Variants in PARP4 observed in about 807,000 individuals in gnomAD.
The protein encoded by PARP4 is poly(ADP-ribose) polymerase family member 4.
A neutral mutation model predicts 187.7 loss-of-function variants in PARP4; 120 were observed. The observed-to-expected ratio is 0.64, with a 90% CI of 0.55 to 0.74. The LOEUF is 0.74. PARP4 is among the 30% of genes least tolerant of loss of function. PARP4 has a pLI of 0.00. For synonymous variants in PARP4, 654 were observed against 740.9 expected, an observed-to-expected ratio of 0.88 and a Z score of 1.90; for missense variants, 1,836 against 2,070.5, an observed-to-expected ratio of 0.89 and a Z score of 2.20.
intron 9 of PARP4, among the ~76,000 whole-genome samples, chr13:24,492,213 T>C (rs1018748945): frequency 3.5e-4 from 53 of 152,248 alleles, no homozygotes; most frequent in African/African-American, 1.0e-3. Context: ...TCTGCACTTA[T>C]GTCACTGTGC....
intron 2 of PARP4, among the ~76,000 whole-genome samples, chr13:24,502,060 C>T (rs9578755): frequency 0.11 from 16,759 of 150,194 alleles, 981 homozygotes; most frequent in African/African-American, 0.13. Flanking sequence ...ATTGATTAAC[C>T]CTAGAGGTTA....
chr13:24,456,605 G>A lies in PARP4; in HGVS notation c.2425-127C>T, dbSNP rs1871868763. On this transcript the variant is annotated intron_variant, in intron 20 of 33. Transcript: ENST00000381989. The stretch of plus-strand genomic sequence containing the variant: ...AACTCTATTAAGAATCAACAAAGTA[G>A]TGGTAAATTCCAAAATAATGAAATG... 5 of 810,980 alleles carry A rather than the reference G, an allele frequency of 6.2e-6. No individual in the cohort carries two copies. In the South Asian group the frequency reaches 1.1e-4, roughly 18 times the overall value. The allele number at this position is 810,980 out of a possible 1,614,324, so 50.2% of individuals were successfully genotyped here.
At chr13:24,503,899 G>A in intron 1 of PARP4, 122 bp from the exon 2 acceptor site, 1 of 788,118 alleles carries the variant, frequency 1.3e-6, no homozygotes, top group Middle Eastern at 2.4e-4. Flanking sequence ...TTGCAATCAT[G>A]TTATCAATAG....
At position 24,435,219 on chromosome 13, in the gene PARP4, A is replaced by G. The variant is rs758564454; in HGVS notation, c.3922T>C (p.Trp1308Arg). Residue 1308 changes from tryptophan (W) to arginine (R), a missense_variant, in exon 31 of 34, where the codon TGG (tryptophan) becomes CGG (arginine). Trp to Arg is a moderately radical substitution (Grantham distance 101). Coordinates refer to ENST00000381989, the MANE Select transcript of PARP4 (RefSeq NM_006437.4). ...AAAAAGCTAGAAGTAGATGTTTCCC[A>G]TGGACTGACTTTCTTAAATAGTGGT... The part of the protein sequence containing the change: ...TEPLFKKVSP[W>R]ETSTSSFFPI... The G allele has an allele frequency of 1.2e-6, 2 of 1,614,056 alleles. No homozygotes were observed. The highest frequency in any genetic ancestry group is 1.3e-5 in the African/African-American group (1 of 74,954).
chr13:24,505,215 G>GGCT (rs1869558951), intron 1 of PARP4, among the ~76,000 whole-genome samples: 1 of 152,104 alleles, frequency 6.6e-6, no homozygotes, highest in South Asian at 2.1e-4. Flanking sequence ...CAGCAAATGC[G>GGCT]GCTTTATGTG....
chr13:24,481,719 T>G (rs1379267402), intron 12 of PARP4, among the ~76,000 whole-genome samples: 4 of 151,838 alleles, frequency 2.6e-5, no homozygotes. Context: ...AAGAAAGAAA[T>G]ACATTTTGGC....
chr13:24,457,793 A>G lies in PARP4; in HGVS notation c.2424+1251T>C, dbSNP rs1329749991. 4.9e-3 allele frequency among the ~76,000 whole-genome samples: 723 copies of G among 148,590 alleles called. 9 individuals carry two copies. Among genetic ancestry groups the G allele is most frequent in the African/African-American group, 0.017 (674 of 40,228 alleles). ...CTCAAAAAAAAAAAAAAAAAAAAAAAAAAGAAAAAAGAAAAAAAGAAAGGC... is the reference window on the plus strand; with the variant it reads ...CTCAAAAAAAAAAAAAAAAAAAAAAGAAAGAAAAAAGAAAAAAAGAAAGGC... On this transcript the variant is annotated intron_variant, in intron 20 of 33. Transcript: ENST00000381989.
chr13:24,456,404 G>A lies in PARP4; in HGVS notation c.2499C>T (p.Ile833=), dbSNP rs746813853. The change falls in exon 21 of 34, where the codon ATC becomes ATT. Residue 833 remains isoleucine (I), a synonymous_variant. Coordinates refer to ENST00000381989, the MANE Select transcript of PARP4 (RefSeq NM_006437.4). ...SLDSSGFSLH[I]GLSAAYLPRM... ...TTGGGAGATAGGCAGCAGACAAACCGATGTGGAGAGAAAATCCACTGCTGT... is the reference window on the plus strand; with the variant it reads ...TTGGGAGATAGGCAGCAGACAAACCAATGTGGAGAGAAAATCCACTGCTGT... The A allele has an allele frequency of 6.2e-6, 10 of 1,612,020 alleles. No homozygotes were observed. In the Admixed American group the frequency reaches 6.7e-5, roughly 11 times the overall value.
At chr13:24,479,704 A>G (rs796193748) in intron 12 of PARP4, among the ~76,000 whole-genome samples, 2 of 152,078 alleles carry the variant, frequency 1.3e-5, no homozygotes, top group South Asian at 2.1e-4. Flanking sequence ...ACCCTACTCT[A>G]CCAATCAGCA....
At chr13:24,482,097 G>A (rs1464611255) in intron 12 of PARP4, among the ~76,000 whole-genome samples, 1 of 152,236 alleles carries the variant, frequency 6.6e-6, no homozygotes, top group Non-Finnish European at 1.5e-5. Flanking sequence ...AAACTTCAGT[G>A]AAGAAAGTCA....
chr13:24,504,865 T>C (rs1032700686), intron 1 of PARP4, among the ~76,000 whole-genome samples: 8 of 151,150 alleles, frequency 5.3e-5, no homozygotes, highest in Admixed American at 2.0e-4. Context: ...GGCTAACTTT[T>C]GTATTTTTAG....
At position 24,469,968 on chromosome 13, in the gene PARP4, T is replaced by C. The variant is rs1411245641; in HGVS notation, c.1972A>G (p.Ile658Val). The C allele has an allele frequency of 2.5e-6, 4 of 1,613,682 alleles. No individual in the cohort carries two copies. The highest frequency in any genetic ancestry group is 1.3e-5 in the African/African-American group (1 of 74,880). The change falls in exon 16 of 34, where the codon ATC becomes GTC. Residue 658 changes from isoleucine to valine, a missense_variant. Ile to Val is a conservative substitution (Grantham distance 29, BLOSUM62 3). Transcript: ENST00000381989. ...KSHVPIEAKY[I>V]FPLDDKAAVC... Reference sequence around the variant, plus strand: ...GCGGCCTTGTCATCCAAAGGAAAGATATATTTTGCCTCAATGGGCACGTGA... The same window carrying C: ...GCGGCCTTGTCATCCAAAGGAAAGACATATTTTGCCTCAATGGGCACGTGA...
At position 24,421,005 on chromosome 13, in the gene PARP4, G is replaced by A; in HGVS notation, c.*114C>T. On this transcript the variant is annotated 3_prime_UTR_variant, in exon 34 of 34. Coordinates refer to ENST00000381989, the MANE Select transcript of PARP4 (RefSeq NM_006437.4). ...TTCTTCCACTTAATTTTTAAAGACAGTAATTGCTACACTGAATGAAACCTT... is the reference window on the plus strand; with the variant it reads ...TTCTTCCACTTAATTTTTAAAGACAATAATTGCTACACTGAATGAAACCTT... The A allele has an allele frequency of 1.5e-6, 2 of 1,331,486 alleles. No individual in the cohort carries two copies. Among genetic ancestry groups the A allele is most frequent in the Non-Finnish European group, 9.9e-7 (1 of 1,014,556 alleles). 82.5% of individuals were successfully genotyped at this position (1,331,486 alleles called of 1,614,324 possible). A position where few individuals can be genotyped will look rare whatever the true frequency, so the allele number is the denominator to read the frequency against.
chr13:24,494,987 T>C (rs1329271333), intron 6 of PARP4, among the ~76,000 whole-genome samples: 1 of 152,122 alleles, frequency 6.6e-6, no homozygotes, highest in Non-Finnish European at 1.5e-5. Context: ...TTCTTCTGCC[T>C]CAGCCTCCTG....
At chr13:24,431,721 T>C (rs1257147936) in intron 31 of PARP4, among the ~76,000 whole-genome samples, 3 of 152,214 alleles carry the variant, frequency 2.0e-5, no homozygotes, top group African/African-American at 7.2e-5. Flanking sequence ...ATGTGATAAA[T>C]GTTTCCATTT....
At chr13:24,499,471 T>C (rs1424254471) in intron 4 of PARP4, 95 bp from the exon 5 acceptor site, 5 of 947,430 alleles carry the variant, frequency 5.3e-6, no homozygotes, top group Non-Finnish European at 7.6e-6. Context: ...CTTTACAAAA[T>C]ACATGATAGA....
chr13:24,454,772 G>C (rs1160167652), intron 22 of PARP4, among the ~76,000 whole-genome samples: 1 of 152,092 alleles, frequency 6.6e-6, no homozygotes, highest in South Asian at 2.1e-4. Context: ...TCCTCAGATC[G>C]CAGATGAGGA....
intron 10 of PARP4, among the ~76,000 whole-genome samples, chr13:24,486,781 G>A (rs1185452807): frequency 4.6e-5 from 7 of 152,078 alleles, no homozygotes; most frequent in African/African-American, 9.7e-5. Context: ...GTGAAACCCC[G>A]TCTCTCCTAA....
intron 33 of PARP4, among the ~76,000 whole-genome samples, chr13:24,425,539 G>A (rs1255156895): frequency 2.5e-4 from 23 of 91,512 alleles, no homozygotes; most frequent in African/African-American, 1.2e-3. Context: ...GTATGCATGT[G>A]TGCATGTGTG....
Sources: gnomAD v4.1 joint callset for allele counts (sites outside exome capture counted in the v4.1 genomes callset) on GRCh38, gnomAD v4.1.1 for gene constraint, MANE v1.5 for transcripts, NCBI Gene and HGNC (gene_info 2026-07-23, HGNC 2026-07-21) for gene names.